The following KCNK2 variants were observed in gnomAD, a reference collection of about 807,000 sequenced individuals.
KCNK2 encodes potassium channel subfamily K member 2.
KCNK2 carries 21 observed loss-of-function variants against 40.5 expected under a neutral mutation model. The observed-to-expected ratio is 0.52, with a 90% CI of 0.37 to 0.75. The LOEUF is 0.75. Among genes scored for constraint, KCNK2 ranks in the 30% least tolerant of loss-of-function variants. The pLI is 0.00. For missense variants in KCNK2, 399 were observed against 531.6 expected (o/e 0.75, Z 2.45); for synonymous variants, 191 against 202.2 (o/e 0.94, Z 0.47).
chr1:215,091,788 G>C (rs1659703558), intron 2 of KCNK2, among the ~76,000 whole-genome samples: 1 of 152,162 alleles, frequency 6.6e-6, no homozygotes. Flanking sequence ...AGTAAAGAGT[G>C]AGGGAAATAG....
chr1:215,083,448 G>A lies in KCNK2; in HGVS notation c.46+17G>A, dbSNP rs771379034. ...GAGCAGGAGGTGAGACCCCCCCTCC[G>A]GTACCCCCACCCCTCTGGCCGCACG... On this transcript the variant is annotated intron_variant, in intron 1 of 6. Transcript: ENST00000444842. 1.3e-6 allele frequency: 2 copies of A among 1,586,356 alleles called. No individual in the cohort carries two copies. The highest frequency in any genetic ancestry group is 1.7e-6 in the Non-Finnish European group (2 of 1,155,932).
At chr1:215,155,022 C>T (rs1662854101) in intron 3 of KCNK2, among the ~76,000 whole-genome samples, 1 of 152,052 alleles carries the variant, frequency 6.6e-6, no homozygotes, top group South Asian at 2.1e-4. Flanking sequence ...CTAGTAGTTA[C>T]ATTTAAAGAA....
intron 1 of KCNK2, among the ~76,000 whole-genome samples, chr1:215,033,737 G>T (rs117833263): frequency 2.0e-5 from 3 of 152,142 alleles, no homozygotes; most frequent in Non-Finnish European, 4.4e-5. Flanking sequence ...TTTAGTCTCC[G>T]ATAAAACCCC....
intron 2 of KCNK2, among the ~76,000 whole-genome samples, chr1:215,095,635 G>A (rs1301156016): frequency 6.6e-6 from 1 of 151,998 alleles, no homozygotes; most frequent in Non-Finnish European, 1.5e-5. Context: ...CTTTAGAAGC[G>A]ATGTTATGGG....
chr1:215,134,677 G>C (rs1661823584), intron 3 of KCNK2, among the ~76,000 whole-genome samples: 1 of 152,018 alleles, frequency 6.6e-6, no homozygotes, highest in Admixed American at 6.6e-5. Flanking sequence ...CTGGTGACCA[G>C]CCGCCATCCT....
intron 1 of KCNK2, among the ~76,000 whole-genome samples, chr1:215,070,621 G>A (rs915927113): frequency 1.3e-5 from 2 of 151,908 alleles, no homozygotes; most frequent in Admixed American, 6.6e-5. Context: ...TCACTATCAC[G>A]AGAACAGCAC....
chr1:215,165,120 A>G (rs1663383522), intron 3 of KCNK2, among the ~76,000 whole-genome samples: 2 of 152,182 alleles, frequency 1.3e-5, no homozygotes, highest in African/African-American at 4.8e-5. Context: ...TCTGACTCTT[A>G]TAGTCCTTTA....
chr1:215,207,641 T>C (rs1433963547), intron 6 of KCNK2, among the ~76,000 whole-genome samples: 1 of 152,204 alleles, frequency 6.6e-6, no homozygotes, highest in Non-Finnish European at 1.5e-5. Flanking sequence ...AAGTAGTCAC[T>C]TTCATAATGA....
intron 6 of KCNK2, among the ~76,000 whole-genome samples, chr1:215,209,950 G>T (rs1665632693): frequency 2.3e-5 from 1 of 44,064 alleles, no homozygotes; most frequent in Non-Finnish European, 3.9e-5. Flanking sequence ...CTTCAAAATA[G>T]GAAAATATAT....
intron 1 of KCNK2, among the ~76,000 whole-genome samples, chr1:215,017,653 A>G (rs1260843178): frequency 6.6e-6 from 1 of 152,120 alleles, no homozygotes; most frequent in East Asian, 1.9e-4. Context: ...TAAATTCAAG[A>G]GATTTATTGT....
intron 6 of KCNK2, among the ~76,000 whole-genome samples, chr1:215,197,898 G>A (rs1282819828): frequency 1.3e-5 from 2 of 152,096 alleles, no homozygotes; most frequent in African/African-American, 2.4e-5. Context: ...TACAGTGAGA[G>A]TGAGGCAGGG....
chr1:215,130,749 G>A (rs1389811959), intron 3 of KCNK2, among the ~76,000 whole-genome samples: 1 of 152,144 alleles, frequency 6.6e-6, no homozygotes, highest in African/African-American at 2.4e-5. Context: ...GAGGGTGAAA[G>A]GTGGACAGAT....
At chr1:215,021,472 C>T (rs1394218590) in intron 1 of KCNK2, among the ~76,000 whole-genome samples, 2 of 105,060 alleles carry the variant, frequency 1.9e-5, no homozygotes, top group Non-Finnish European at 4.7e-5. Context: ...TGTTGAGGTC[C>T]TTGCTAGAAC....
chr1:215,156,764 C>T (rs1294762191), intron 3 of KCNK2, among the ~76,000 whole-genome samples: 1 of 152,076 alleles, frequency 6.6e-6, no homozygotes, highest in Non-Finnish European at 1.5e-5. Flanking sequence ...CATGGTGCAA[C>T]AGGAGAGAGC....
chr1:215,137,547 G>A (rs1210721663), intron 3 of KCNK2, among the ~76,000 whole-genome samples: 2 of 152,108 alleles, frequency 1.3e-5, no homozygotes, highest in African/African-American at 2.4e-5. Flanking sequence ...AAGAATGTAA[G>A]GTGAAGAAAA....
intron 1 of KCNK2, among the ~76,000 whole-genome samples, chr1:215,011,793 A>G (rs1423529536): frequency 6.6e-6 from 1 of 151,446 alleles, no homozygotes; most frequent in Non-Finnish European, 1.5e-5. Context: ...TTTTTAGTAG[A>G]GACGGGGTTT....
chr1:215,150,841 A>G (rs1349373870), intron 3 of KCNK2, among the ~76,000 whole-genome samples: 1 of 151,910 alleles, frequency 6.6e-6, no homozygotes, highest in Admixed American at 6.6e-5. Context: ...CTTTAAAATA[A>G]TTATATTTTT....
chr1:215,115,098 C>G (rs563858004), intron 2 of KCNK2, among the ~76,000 whole-genome samples: 13 of 151,818 alleles, frequency 8.6e-5, no homozygotes, highest in Non-Finnish European at 1.8e-4. Context: ...TCAGTTCTCA[C>G]TATGATTCTG....
chr1:215,149,968 T>C (rs1662612351), intron 3 of KCNK2, among the ~76,000 whole-genome samples: 1 of 152,204 alleles, frequency 6.6e-6, no homozygotes, highest in Admixed American at 6.5e-5. Context: ...AGGTATTGTT[T>C]AGATATCCAG....
Sources: allele counts gnomAD v4.1 joint callset (sites outside exome capture counted in the v4.1 genomes callset), GRCh38; gene constraint gnomAD v4.1.1; transcripts MANE v1.5; gene names NCBI Gene and HGNC (gene_info 2026-07-23, HGNC 2026-07-21).